Variants in FSTL4 observed in about 807,000 individuals in gnomAD.
The protein encoded by FSTL4 is follistatin like 4.
A neutral mutation model predicts 78.2 loss-of-function variants in FSTL4; 28 were observed. That is an observed-to-expected ratio of 0.36 (90% confidence interval 0.27 to 0.49). The LOEUF is 0.49. Ranked by LOEUF, FSTL4 falls within the 20% of genes least tolerant of loss-of-function variation. FSTL4 has a pLI of 0.98. For synonymous variants in FSTL4, 422 were observed against 440.5 expected (o/e 0.96, Z 0.53); for missense variants, 922 against 1,084.9 (o/e 0.85, Z 2.11).
In FSTL4 at chr5:133,531,606, C is replaced by A. The variant is rs1350974939; in HGVS notation, c.160+35580G>T. On this transcript the variant is annotated intron_variant, in intron 3 of 15. Transcript: ENST00000265342. ...GAATGAACAGCGATGGAGTGAGCAACAAATTGTTTCATTTGCTAAGACTGT... is the reference window on the plus strand; with the variant it reads ...GAATGAACAGCGATGGAGTGAGCAAAAAATTGTTTCATTTGCTAAGACTGT... 2.0e-5 allele frequency among the ~76,000 whole-genome samples: 3 copies of A among 152,160 alleles called. No individual in the cohort carries two copies. The East Asian group carries it at 5.8e-4, about 29-fold the overall frequency.
chr5:133,659,352 A>AT, the FSTL4 span, among the ~76,000 whole-genome samples: 1 of 152,040 alleles, frequency 6.6e-6, no homozygotes, highest in East Asian at 1.9e-4. Flanking sequence ...TAGCATCCTC[A>AT]TTTTCCCTTT....
At chr5:133,664,005 A>G in the FSTL4 span, among the ~76,000 whole-genome samples, 6,786 of 152,126 alleles carry the variant, frequency 0.045, 181 homozygotes, top group Middle Eastern at 0.078. Flanking sequence ...GAGCTGTTGA[A>G]TGGGAGACCA....
At chr5:133,720,844 T>G in the FSTL4 span, 1 of 152,510 alleles carries the variant, frequency 6.6e-6, no homozygotes, top group Non-Finnish European at 1.5e-5. Context: ...TTAATGTAAG[T>G]TTTTTATACT....
chr5:133,700,578 G>C, the FSTL4 span, among the ~76,000 whole-genome samples: 1 of 152,266 alleles, frequency 6.6e-6, no homozygotes, highest in Admixed American at 6.5e-5. Flanking sequence ...CAAGGGCACA[G>C]ATGTATCACT....
At chr5:133,788,211 G>A in the FSTL4 span, among the ~76,000 whole-genome samples, 1 of 152,126 alleles carries the variant, frequency 6.6e-6, no homozygotes, top group Non-Finnish European at 1.5e-5. Context: ...AGCACGGTGG[G>A]AGAGTCCAAG....
At chr5:133,208,855 G>T (rs966553658) in intron 14 of FSTL4, among the ~76,000 whole-genome samples, 7 of 152,114 alleles carry the variant, frequency 4.6e-5, no homozygotes, top group African/African-American at 1.7e-4. Context: ...ATTTTTAGTA[G>T]AGACGGGGTT....
intron 2 of FSTL4, among the ~76,000 whole-genome samples, chr5:133,596,226 C>T (rs957875242): frequency 1.3e-5 from 2 of 152,132 alleles, no homozygotes; most frequent in Non-Finnish European, 2.9e-5. Context: ...GGGGAAGAGA[C>T]GTCCTCTGAA....
chr5:133,785,368 C>T, the FSTL4 span, among the ~76,000 whole-genome samples: 4 of 152,146 alleles, frequency 2.6e-5, no homozygotes, highest in Non-Finnish European at 4.4e-5. Context: ...AGCCCGGGAA[C>T]GTTTGCCGAG....
intron 3 of FSTL4, among the ~76,000 whole-genome samples, chr5:133,423,694 G>A (rs986801131): frequency 6.6e-6 from 1 of 152,190 alleles, no homozygotes; most frequent in African/African-American, 2.4e-5. Flanking sequence ...CAGTAAGGAT[G>A]GCGATCGGGG....
chr5:133,598,300 C>G (rs928192657), intron 2 of FSTL4, among the ~76,000 whole-genome samples: 1 of 152,030 alleles, frequency 6.6e-6, no homozygotes, highest in Non-Finnish European at 1.5e-5. Flanking sequence ...TCAGCATCAC[C>G]TGGAGCTCAG....
At chr5:133,429,040 T>G (rs950891630) in intron 3 of FSTL4, among the ~76,000 whole-genome samples, 1 of 152,224 alleles carries the variant, frequency 6.6e-6, no homozygotes, top group African/African-American at 2.4e-5. Flanking sequence ...AAGGATAGCA[T>G]AAATCAGGGG....
chr5:133,794,800 G>T, the FSTL4 span, among the ~76,000 whole-genome samples: 1 of 152,080 alleles, frequency 6.6e-6, no homozygotes, highest in Non-Finnish European at 1.5e-5. Context: ...CCAGACTCCT[G>T]GTCAGCAGTG....
intron 3 of FSTL4, among the ~76,000 whole-genome samples, chr5:133,437,615 G>A (rs1017282472): frequency 6.9e-6 from 1 of 145,038 alleles, no homozygotes; most frequent in Non-Finnish European, 1.5e-5. Flanking sequence ...TCAACCTCCC[G>A]AGCAGCTGGG....
the FSTL4 span, among the ~76,000 whole-genome samples, chr5:133,636,864 A>G: frequency 0.016 from 2,447 of 152,292 alleles, 65 homozygotes; most frequent in African/African-American, 0.056. Context: ...ACAACTGAAC[A>G]TTGGTGCTTA....
At chr5:133,455,514 T>C (rs1314064555) in intron 3 of FSTL4, among the ~76,000 whole-genome samples, 1 of 152,222 alleles carries the variant, frequency 6.6e-6, no homozygotes, top group African/African-American at 2.4e-5. Flanking sequence ...ATTGATTACA[T>C]TTCTTAACAT....
the FSTL4 span, among the ~76,000 whole-genome samples, chr5:133,801,232 C>T: frequency 6.6e-6 from 1 of 152,188 alleles, no homozygotes; most frequent in African/African-American, 2.4e-5. Context: ...AGCTTCCATG[C>T]CTGTGTCTCC....
At chr5:133,257,681 G>T (rs1752415751) in intron 6 of FSTL4, among the ~76,000 whole-genome samples, 1 of 152,122 alleles carries the variant, frequency 6.6e-6, no homozygotes, top group Admixed American at 6.5e-5. Flanking sequence ...AAGGGTCCTT[G>T]CTGAGGTGGA....
chr5:133,247,193 G>A (rs545137989), intron 7 of FSTL4: 1 of 152,316 alleles, frequency 6.6e-6, no homozygotes, highest in African/African-American at 2.4e-5. Context: ...CTATTTGCGG[G>A]CTACTGACTC....
chr5:133,724,876 C>T, the FSTL4 span, among the ~76,000 whole-genome samples: 13 of 152,214 alleles, frequency 8.5e-5, no homozygotes, highest in South Asian at 2.1e-4. Context: ...TAATCCATTT[C>T]GAGTTGACTT....
Sources: gnomAD v4.1 joint callset for allele counts (sites outside exome capture counted in the v4.1 genomes callset) on GRCh38, gnomAD v4.1.1 for gene constraint, MANE v1.5 for transcripts, NCBI Gene and HGNC (gene_info 2026-07-23, HGNC 2026-07-21) for gene names.